The following SPTBN1 variants were observed in gnomAD, a reference collection of about 807,000 sequenced individuals.
The protein encoded by SPTBN1 is spectrin beta chain, non-erythrocytic 1.
A neutral mutation model predicts 266.4 loss-of-function variants in SPTBN1; 32 were observed. The ratio of observed to expected loss-of-function variants is 0.12; its 90% CI spans 0.09 to 0.16. The LOEUF is 0.16. SPTBN1 is among the 10% of genes least tolerant of loss of function. The pLI, the probability that SPTBN1 is intolerant of heterozygous loss-of-function variation, is 1.00. For synonymous variants in SPTBN1, 1,336 were observed against 1,162.2 expected, an observed-to-expected ratio of 1.15 and a Z score of -3.04; for missense variants, 2,296 against 3,067.1, an observed-to-expected ratio of 0.75 and a Z score of 5.94.
intron 1 of SPTBN1, among the ~76,000 whole-genome samples, chr2:54,512,111 G>A (rs2104222437): frequency 6.6e-6 from 1 of 152,270 alleles, no homozygotes; most frequent in Non-Finnish European, 1.5e-5. Flanking sequence ...AGGAGGCAGA[G>A]CTCAGATGGT....
intron 4 of SPTBN1, among the ~76,000 whole-genome samples, chr2:54,614,268 A>G (rs1166151985): frequency 2.0e-5 from 3 of 152,220 alleles, no homozygotes; most frequent in African/African-American, 7.2e-5. Flanking sequence ...CAGCATATCT[A>G]TAAGGATACT....
chr2:54,461,338 T>C (rs1693359776), intron 1 of SPTBN1, among the ~76,000 whole-genome samples: 1 of 152,238 alleles, frequency 6.6e-6, no homozygotes, highest in South Asian at 2.1e-4. Flanking sequence ...ATTTATTCAT[T>C]GTACTCTAGA....
At chr2:54,541,500 C>T (rs946573622) in intron 2 of SPTBN1, among the ~76,000 whole-genome samples, 2 of 152,184 alleles carry the variant, frequency 1.3e-5, no homozygotes, top group African/African-American at 2.4e-5. Context: ...CAGTTGTTCC[C>T]GTGCAGCTTT....
intron 32 of SPTBN1, chr2:54,660,376 A>G (rs1355690210): frequency 4.3e-6 from 5 of 1,154,674 alleles, no homozygotes; most frequent in Non-Finnish European, 5.4e-6. Context: ...AGATTACAGC[A>G]TAATGAAGAA....
intron 2 of SPTBN1, among the ~76,000 whole-genome samples, chr2:54,578,916 T>G (rs576367737): frequency 6.6e-6 from 1 of 152,160 alleles, no homozygotes; most frequent in East Asian, 1.9e-4. Context: ...CCAGGAGAAA[T>G]CTGAGTATCT....
intron 2 of SPTBN1, among the ~76,000 whole-genome samples, chr2:54,544,857 A>G (rs184540233): frequency 2.2e-4 from 34 of 152,204 alleles, no homozygotes; most frequent in Admixed American, 9.8e-4. Flanking sequence ...TACATGTGCC[A>G]TGTTGGTTTG....
At chr2:54,467,400 TTGC>T (rs375746310) in intron 1 of SPTBN1, among the ~76,000 whole-genome samples, 123 of 152,326 alleles carry the variant, frequency 8.1e-4, no homozygotes, top group African/African-American at 2.7e-3. Flanking sequence ...TACTTTGTTG[TTGC>T]TGTTGTTGGA....
chr2:54,572,631 A>C (rs1674167920), intron 2 of SPTBN1, among the ~76,000 whole-genome samples: 1 of 152,200 alleles, frequency 6.6e-6, no homozygotes. Context: ...TGTGCCTCCC[A>C]ATCTCTGCCC....
intron 2 of SPTBN1, among the ~76,000 whole-genome samples, chr2:54,583,122 T>C (rs1372751508): frequency 2.0e-5 from 3 of 152,074 alleles, no homozygotes; most frequent in Non-Finnish European, 4.4e-5. Context: ...CATTTGCCTC[T>C]GATCTTATTC....
In SPTBN1 at chr2:54,629,592, G is replaced by A. The variant is rs199983189; in HGVS notation, c.2458G>A (p.Val820Met). The A allele has an allele frequency of 3.6e-5, 58 of 1,614,068 alleles. No homozygotes were observed. Among genetic ancestry groups the A allele is most frequent in the Non-Finnish European group, 4.4e-5 (52 of 1,180,034 alleles). Residue 820 changes from valine (V) to methionine (M), a missense_variant, in exon 14 of 36, where the codon GTG (valine) becomes ATG (methionine). Coordinates refer to ENST00000356805, the MANE Select transcript of SPTBN1 (RefSeq NM_003128.3). ...CCAGGAGCATGCCGAGTCTCCAGAC[G>A]TGAGGGGCAGGCTGTCGGGCATCGA... is the stretch of plus-strand genomic sequence containing the variant. The part of the protein sequence containing the change: ...LPQEHAESPD[V>M]RGRLSGIEER...
At chr2:54,480,103 G>A (rs961876161) in intron 1 of SPTBN1, among the ~76,000 whole-genome samples, 4 of 152,140 alleles carry the variant, frequency 2.6e-5, no homozygotes, top group Admixed American at 1.3e-4. Context: ...TTTCAGCTAC[G>A]TGTATATGTG....
chr2:54,501,087 G>C (rs985413170), intron 1 of SPTBN1, among the ~76,000 whole-genome samples: 1 of 152,146 alleles, frequency 6.6e-6, no homozygotes, highest in African/African-American at 2.4e-5. Context: ...CAGATCTCTC[G>C]TGATCTTCTC....
rs1490624185 is a variant in SPTBN1, at chr2:54,626,465, T to C, written c.1644+231T>C. On this transcript the variant is annotated intron_variant, in intron 12 of 35. Transcript: ENST00000356805. The surrounding 1 kb of genome is among the most constrained non-coding windows in gnomAD (Gnocchi z 4.7). ...AGTTCAGTAGCCAGAGCTCTGTTTC[T>C]GTGACTTAGATATATTCCAGTGTAG... Among the ~76,000 whole-genome samples, 1 of 152,270 alleles carries C rather than the reference T, an allele frequency of 6.6e-6. No individual in the cohort carries two copies. Among genetic ancestry groups the C allele is most frequent in the Admixed American group, 6.5e-5 (1 of 15,292 alleles).
chr2:54,608,748 G>A (rs1030511013), intron 3 of SPTBN1, among the ~76,000 whole-genome samples: 1 of 151,762 alleles, frequency 6.6e-6, no homozygotes, highest in Non-Finnish European at 1.5e-5. Flanking sequence ...CAAAGCAGGG[G>A]GTTTAGGGGC....
intron 28 of SPTBN1, 113 bp from the exon 29 acceptor site, chr2:54,655,801 C>A: frequency 1.4e-6 from 1 of 734,666 alleles, no homozygotes; most frequent in Non-Finnish European, 2.3e-6. Flanking sequence ...TAGATATCTC[C>A]CAGCTTAATG....
In SPTBN1 at chr2:54,659,210, G is replaced by T. The variant is rs1052820; in HGVS notation, c.6300G>T (p.Pro2100=). 2.5e-6 allele frequency: 4 copies of T among 1,613,698 alleles called. No individual in the cohort carries two copies. In the African/African-American group the frequency reaches 5.3e-5, roughly 22 times the overall value. The change falls in exon 31 of 36, where the codon CCG becomes CCT. Residue 2100 remains proline (P), a synonymous_variant. Coordinates refer to ENST00000356805, the MANE Select transcript of SPTBN1 (RefSeq NM_003128.3). ...QQEEEERKRR[P]PSPEPSTKVS... ...AGGAAGAGGAGAGGAAGAGGCGGCC[G>T]CCTTCTCCCGAGCCGAGCACGAAGG...
At chr2:54,506,694 T>C (rs1669577034) in intron 1 of SPTBN1, among the ~76,000 whole-genome samples, 1 of 152,206 alleles carries the variant, frequency 6.6e-6, no homozygotes, top group African/African-American at 2.4e-5. Context: ...CCAATAGTTC[T>C]TGGAGAGTAC....
chr2:54,624,913 C>A lies in SPTBN1; in HGVS notation c.1292C>A (p.Ala431Glu). 6.2e-7 allele frequency: 1 copy of A among 1,613,718 alleles called. No individual in the cohort carries two copies. Among genetic ancestry groups the A allele is most frequent in the Non-Finnish European group, 8.5e-7 (1 of 1,179,788 alleles). ...EQLARRFDRK[A>E]AMRETWLSEN... ...CTCGCCCGCAGATTTGATCGCAAGG[C>A]AGCTATGAGGGAGACTTGGCTGAGC... Residue 431 changes from alanine (A) to glutamate (E), a missense_variant, in exon 11 of 36, where the codon GCA becomes GAA. Ala to Glu is a moderately radical substitution (Grantham distance 107). Transcript: ENST00000356805.
chr2:54,660,441 A>T, intron 32 of SPTBN1: 1 of 1,039,458 alleles, frequency 9.6e-7, no homozygotes, highest in Non-Finnish European at 1.2e-6. Flanking sequence ...AGGGCACAGT[A>T]CTGTGCTATA....
Sources: gnomAD v4.1 joint callset for allele counts (sites outside exome capture counted in the v4.1 genomes callset) on GRCh38, gnomAD v4.1.1 for gene constraint, Gnocchi (gnomAD v3.1) non-coding constraint, MANE v1.5 for transcripts, NCBI Gene and HGNC (gene_info 2026-07-23, HGNC 2026-07-21) for gene names.